The following RBFOX1 variants were observed in gnomAD, a reference collection of about 807,000 sequenced individuals.
RBFOX1 encodes the protein RNA binding fox-1 homolog 1, also known as RNA binding protein fox-1 homolog 1.
Under a neutral mutation model 57.7 loss-of-function variants are expected in RBFOX1, and 8 were observed. The ratio of observed to expected loss-of-function variants is 0.14; its 90% confidence interval spans 0.08 to 0.25. RBFOX1 has a LOEUF of 0.25. Ranked by LOEUF, RBFOX1 falls within the 10% of genes least tolerant of loss-of-function variation. The pLI, the probability that RBFOX1 is intolerant of heterozygous loss-of-function variation, is 1.00. For missense variants in RBFOX1, 611 were observed against 548.5 expected, an observed-to-expected ratio of 1.11 and a Z score of -1.14; for synonymous variants, 326 against 222.4, an observed-to-expected ratio of 1.47 and a Z score of -4.15.
chr16:6,474,827 G>A (rs77129516), intron 2 of RBFOX1, among the ~76,000 whole-genome samples: 2,575 of 152,140 alleles, frequency 0.017, 42 homozygotes, highest in Non-Finnish European at 0.024. Flanking sequence ...TTGACTCATC[G>A]GTTTCACTTT....
chr16:6,841,624 G>C (rs889367629), intron 3 of RBFOX1, among the ~76,000 whole-genome samples: 18 of 152,194 alleles, frequency 1.2e-4, no homozygotes, highest in Admixed American at 1.1e-3. Flanking sequence ...AAACTCTCAC[G>C]AATGCTTTTG....
intron 2 of RBFOX1, among the ~76,000 whole-genome samples, chr16:6,554,796 A>T (rs36125486): frequency 0.034 from 5,058 of 150,272 alleles, 122 homozygotes; most frequent in Non-Finnish European, 0.051. Context: ...ACACACAGAC[A>T]CACACAGATA....
At chr16:7,025,876 C>G (rs1252103236) in intron 3 of RBFOX1, among the ~76,000 whole-genome samples, 1 of 152,118 alleles carries the variant, frequency 6.6e-6, no homozygotes, top group Admixed American at 6.5e-5. Context: ...CCAGGATGAG[C>G]TGCTTAATAG....
At chr16:5,744,138 C>T (rs1380913827) in intron 3 of RBFOX1, among the ~76,000 whole-genome samples, 2 of 152,080 alleles carry the variant, frequency 1.3e-5, no homozygotes, top group Admixed American at 1.3e-4. Flanking sequence ...TTCACAGCTC[C>T]TTGTCTTTGC....
chr16:5,481,256 G>T (rs1269208392), intron 2 of RBFOX1, among the ~76,000 whole-genome samples: 1 of 152,138 alleles, frequency 6.6e-6, no homozygotes. Flanking sequence ...GTCTTCTCTT[G>T]AGCATCTTCA....
At chr16:7,067,931 C>G (rs769248929) in intron 4 of RBFOX1, among the ~76,000 whole-genome samples, 1 of 150,514 alleles carries the variant, frequency 6.6e-6, no homozygotes, top group Non-Finnish European at 1.5e-5. Context: ...GAGGGTCATT[C>G]CTAGTGTCTA....
chr16:5,268,387 A>G (rs745306893), intron 1 of RBFOX1, among the ~76,000 whole-genome samples: 4 of 152,264 alleles, frequency 2.6e-5, no homozygotes, highest in Non-Finnish European at 5.9e-5. Flanking sequence ...CTTAGAGTCA[A>G]CAACAAGTAC....
At chr16:6,941,609 C>G (rs914633027) in intron 3 of RBFOX1, among the ~76,000 whole-genome samples, 2 of 151,690 alleles carry the variant, frequency 1.3e-5, no homozygotes, top group African/African-American at 4.8e-5. Context: ...AATTATGCCC[C>G]TCCTCTGCCC....
At position 6,750,394 on chromosome 16, in the gene RBFOX1, T is replaced by C. The variant is rs117177431; in HGVS notation, c.-16+95744T>C. On this transcript the variant is annotated intron_variant, in intron 3 of 15. Transcript: ENST00000550418. The stretch of plus-strand genomic sequence containing the variant: ...CACTTAATTGCAACTGGGCTTAAAA[T>C]AGCAGCAGAAGCTGAAACCAGGGTG... Among the ~76,000 whole-genome samples the C allele has an allele frequency of 6.8e-3, 1,035 of 152,302 alleles. 24 individuals carry two copies. In the East Asian group the frequency reaches 0.076, roughly 11 times the overall value.
chr16:6,835,199 C>A (rs1033202805), intron 3 of RBFOX1, among the ~76,000 whole-genome samples: 1 of 152,042 alleles, frequency 6.6e-6, no homozygotes, highest in African/African-American at 2.4e-5. Context: ...CCACGCCCGA[C>A]CGGCCTGACT....
intron 3 of RBFOX1, among the ~76,000 whole-genome samples, chr16:5,831,991 C>G (rs1434356053): frequency 6.6e-6 from 1 of 152,114 alleles, no homozygotes; most frequent in African/African-American, 2.4e-5. Context: ...CAGATGTTAG[C>G]ACTTTCATCC....
At chr16:6,805,168 A>T (rs1334013973) in intron 3 of RBFOX1, among the ~76,000 whole-genome samples, 1 of 152,080 alleles carries the variant, frequency 6.6e-6, no homozygotes, top group Non-Finnish European at 1.5e-5. Flanking sequence ...CAGATTGGCT[A>T]AAGAAAATGT....
intron 11 of RBFOX1, among the ~76,000 whole-genome samples, chr16:7,649,565 A>G (rs1390362825): frequency 1.3e-5 from 2 of 152,142 alleles, no homozygotes; most frequent in Non-Finnish European, 2.9e-5. Context: ...CATGCTGTTT[A>G]TCTGCAAATT....
At chr16:7,342,680 G>A (rs1211077298) in intron 4 of RBFOX1, among the ~76,000 whole-genome samples, 1 of 152,138 alleles carries the variant, frequency 6.6e-6, no homozygotes, top group Non-Finnish European at 1.5e-5. Context: ...AGATACAACT[G>A]GGGAGGTGGC....
chr16:7,535,899 A>G (rs2081349370), intron 5 of RBFOX1, among the ~76,000 whole-genome samples: 1 of 152,208 alleles, frequency 6.6e-6, no homozygotes, highest in Non-Finnish European at 1.5e-5. Flanking sequence ...TGTATTGTTC[A>G]TTTATTCCTG....
chr16:7,128,903 C>G (rs1023391670), intron 4 of RBFOX1, among the ~76,000 whole-genome samples: 2 of 150,360 alleles, frequency 1.3e-5, no homozygotes, highest in Non-Finnish European at 2.9e-5. Flanking sequence ...TCACTGCAAC[C>G]TCCGCCTCCT....
Position 6,914,743 on chromosome 16 carries a change from G to A in RBFOX1, c.-15-137314G>A, listed in dbSNP as rs2072673363. Among the ~76,000 whole-genome samples the A allele has an allele frequency of 3.3e-5, 5 of 152,118 alleles. No individual in the cohort carries two copies. The South Asian group carries it at 1.0e-3, about 32-fold the overall frequency. On this transcript the variant is annotated intron_variant, in intron 3 of 15. Coordinates refer to ENST00000550418, the MANE Select transcript of RBFOX1 (RefSeq NM_018723.4). ...CTGAAAATTAACCTGGCATGGTGGT[G>A]TGCACCTGTAGTCCCAGCTACTTTG...
intron 3 of RBFOX1, among the ~76,000 whole-genome samples, chr16:6,950,611 G>C (rs1319045361): frequency 6.6e-6 from 1 of 152,150 alleles, no homozygotes; most frequent in African/African-American, 2.4e-5. Flanking sequence ...TATATATGCA[G>C]GTGCTGTGTG....
At chr16:5,434,817 G>A (rs190052802) in intron 1 of RBFOX1, among the ~76,000 whole-genome samples, 118 of 151,938 alleles carry the variant, frequency 7.8e-4, no homozygotes, top group Middle Eastern at 3.4e-3. Flanking sequence ...TATTCTCTTG[G>A]TTACCTGCCT....
Sources: allele counts gnomAD v4.1 joint callset (sites outside exome capture counted in the v4.1 genomes callset), GRCh38; gene constraint gnomAD v4.1.1; transcripts MANE v1.5; gene names NCBI Gene and HGNC (gene_info 2026-07-23, HGNC 2026-07-21).